TRABD2B: variants seen among roughly 807,000 people sequenced by gnomAD.
TRABD2B encodes the protein TraB domain containing 2B.
In TRABD2B, 14 loss-of-function variants were observed where a neutral mutation model predicts 40.1. That is an observed-to-expected ratio of 0.35 (90% confidence interval 0.23 to 0.55). The LOEUF is 0.55. Ranked by LOEUF, TRABD2B falls within the 20% of genes least tolerant of loss-of-function variation. The probability of loss-of-function intolerance (pLI) is 0.90; values close to 1 mark genes in which losing one functional copy is unlikely to be tolerated. For missense variants in TRABD2B, 541 were observed against 648.6 expected, an observed-to-expected ratio of 0.83 and a Z score of 1.80; for synonymous variants, 263 against 277.0, an observed-to-expected ratio of 0.95 and a Z score of 0.50.
intron 6 of TRABD2B, 104 bp downstream of exon 6, chr1:47,775,066 C>T (rs994618492): frequency 1.8e-6 from 2 of 1,130,458 alleles, no homozygotes; most frequent in East Asian, 6.4e-5. Flanking sequence ...TTCCTTAGAG[C>T]AGGGCTGGCC....
intron 2 of TRABD2B, among the ~76,000 whole-genome samples, chr1:47,960,488 CCTT>C (rs1645496298): frequency 1.3e-5 from 2 of 152,134 alleles, no homozygotes; most frequent in Non-Finnish European, 2.9e-5. Context: ...CCCAAAATCT[CCTT>C]AAGCTGATAA....
At chr1:47,849,355 C>T (rs144094490) in intron 2 of TRABD2B, among the ~76,000 whole-genome samples, 3 of 152,272 alleles carry the variant, frequency 2.0e-5, no homozygotes, top group Admixed American at 2.0e-4. Context: ...CATCTGTGAA[C>T]GAAGGAGGAA....
intron 2 of TRABD2B, among the ~76,000 whole-genome samples, chr1:47,873,523 G>A (rs925626146): frequency 3.3e-5 from 5 of 152,196 alleles, no homozygotes; most frequent in African/African-American, 9.7e-5. Context: ...GGGCGAGGGC[G>A]TGTGCTACAC....
intron 2 of TRABD2B, among the ~76,000 whole-genome samples, chr1:47,814,705 T>A (rs973660183): frequency 3.9e-5 from 6 of 152,120 alleles, no homozygotes; most frequent in Non-Finnish European, 8.8e-5. Context: ...AGACCCAGAA[T>A]GGCCGGAAGA....
intron 2 of TRABD2B, among the ~76,000 whole-genome samples, chr1:47,828,747 TTGGG>T (rs1038666736): frequency 3.9e-5 from 6 of 152,076 alleles, no homozygotes; most frequent in African/African-American, 7.2e-5. Context: ...AATAGCAACA[TTGGG>T]TGAGCCTCAA....
chr1:47,887,623 C>T (rs913670438), intron 2 of TRABD2B, among the ~76,000 whole-genome samples: 1 of 152,198 alleles, frequency 6.6e-6, no homozygotes, highest in African/African-American at 2.4e-5. Context: ...AATGAACAGT[C>T]TTAACCTGAG....
intron 5 of TRABD2B, among the ~76,000 whole-genome samples, chr1:47,777,447 C>T (rs949782993): frequency 1.3e-5 from 2 of 152,132 alleles, no homozygotes; most frequent in Admixed American, 6.5e-5. Flanking sequence ...CCTCAGTTCA[C>T]CCTCAGAGCT....
At chr1:47,808,045 T>G (rs1644915670) in intron 2 of TRABD2B, among the ~76,000 whole-genome samples, 1 of 152,210 alleles carries the variant, frequency 6.6e-6, no homozygotes, top group Non-Finnish European at 1.5e-5. Flanking sequence ...GTGAAGGTAC[T>G]TTTTAGATGA....
At chr1:47,864,475 A>G (rs1240494387) in intron 2 of TRABD2B, among the ~76,000 whole-genome samples, 1 of 152,116 alleles carries the variant, frequency 6.6e-6, no homozygotes, top group Non-Finnish European at 1.5e-5. Flanking sequence ...TAAAAAAAAA[A>G]AAGTCTTACA....
intron 4 of TRABD2B, among the ~76,000 whole-genome samples, chr1:47,782,851 C>G (rs78140509): frequency 6.6e-6 from 1 of 152,198 alleles, no homozygotes; most frequent in African/African-American, 2.4e-5. Flanking sequence ...CAAAGGGGCC[C>G]CACGATGTTG....
intron 2 of TRABD2B, among the ~76,000 whole-genome samples, chr1:47,834,572 C>T (rs898966104): frequency 7.7e-6 from 1 of 130,364 alleles, no homozygotes; most frequent in African/African-American, 2.9e-5. Context: ...AACACACACA[C>T]ACACGCGCAC....
intron 6 of TRABD2B, among the ~76,000 whole-genome samples, chr1:47,773,299 G>A (rs775151106): frequency 5.3e-5 from 8 of 152,230 alleles, no homozygotes; most frequent in Non-Finnish European, 8.8e-5. Flanking sequence ...GTAACTCTAT[G>A]CCCTCACTCC....
At chr1:47,843,692 G>T (rs1456232241) in intron 2 of TRABD2B, among the ~76,000 whole-genome samples, 10 of 152,166 alleles carry the variant, frequency 6.6e-5, no homozygotes, top group Non-Finnish European at 1.3e-4. Context: ...ACACTGTGAA[G>T]GAGTGGCCAG....
intron 2 of TRABD2B, among the ~76,000 whole-genome samples, chr1:47,976,764 G>A (rs1645761904): frequency 6.6e-6 from 1 of 152,190 alleles, no homozygotes; most frequent in Admixed American, 6.5e-5. Flanking sequence ...GCAGTACCTG[G>A]CATGCAGCAG....
At chr1:47,901,266 T>G (rs546956091) in intron 2 of TRABD2B, among the ~76,000 whole-genome samples, 1 of 152,300 alleles carries the variant, frequency 6.6e-6, no homozygotes, top group Non-Finnish European at 1.5e-5. Context: ...TTCTTCTGCC[T>G]GGAGGCCAGC....
At chr1:47,876,886 C>G (rs1049002691) in intron 2 of TRABD2B, among the ~76,000 whole-genome samples, 3 of 152,220 alleles carry the variant, frequency 2.0e-5, no homozygotes, top group African/African-American at 7.2e-5. Context: ...ATCATTCCTT[C>G]AATAACAACT....
At chr1:47,793,832 C>T (rs1644708353) in intron 4 of TRABD2B, among the ~76,000 whole-genome samples, 1 of 152,070 alleles carries the variant, frequency 6.6e-6, no homozygotes, top group African/African-American at 2.4e-5. Flanking sequence ...GGCAAAGGAA[C>T]AGGGAGAGAA....
At position 47,930,176 on chromosome 1, in the gene TRABD2B, G is replaced by A. The variant is rs777739633; in HGVS notation, c.666+63858C>T. On this transcript the variant is annotated intron_variant, in intron 2 of 6. Transcript: ENST00000606738. ...AGATCCTGAGCCATGGTGCGCCAAG[G>A]TTTAGGGTCCAATTTCCCAGATGCC... 7.9e-4 allele frequency among the ~76,000 whole-genome samples: 120 copies of A among 152,326 alleles called. No individual in the cohort carries two copies. The Middle Eastern group carries it at 0.01, about 13-fold the overall frequency.
chr1:47,909,830 T>A (rs532327995), intron 2 of TRABD2B, among the ~76,000 whole-genome samples: 102,047 of 102,408 alleles, frequency 1, 50,843 homozygotes, highest in Middle Eastern at 1. Flanking sequence ...CTTCCTTTCT[T>A]GCTTTCTTTC....
Sources: allele counts gnomAD v4.1 joint callset (sites outside exome capture counted in the v4.1 genomes callset), GRCh38; gene constraint gnomAD v4.1.1; transcripts MANE v1.5; gene names NCBI Gene and HGNC (gene_info 2026-07-23, HGNC 2026-07-21).